FANK1: variants seen among roughly 807,000 people sequenced by gnomAD.
FANK1 encodes fibronectin type 3 and ankyrin repeat domains protein 1.
Under a neutral mutation model 45.3 loss-of-function variants are expected in FANK1, and 44 were observed. The ratio of observed to expected loss-of-function variants is 0.97; its 90% CI spans 0.76 to 1.25. The LOEUF (loss-of-function observed/expected upper bound fraction) is 1.25, where lower values mean the gene tolerates loss of function less well. FANK1 is among the 50% of genes most tolerant of loss of function. FANK1 has a pLI of 0.00. For synonymous variants in FANK1, 149 were observed against 152.5 expected, an observed-to-expected ratio of 0.98 and a Z score of 0.17; for missense variants, 391 against 424.4, an observed-to-expected ratio of 0.92 and a Z score of 0.69.
rs181780461 is a variant in FANK1 at position 125,935,129 on chromosome 10, G to A, written c.13+38474G>A. Among the ~76,000 whole-genome samples the A allele has an allele frequency of 4.8e-3, 734 of 152,204 alleles. 1 individual carries two copies. Among genetic ancestry groups the A allele is most frequent in the African/African-American group, 0.017 (718 of 41,504 alleles). ...ACTCTGATAGAGACACCCTGTCTTG[G>A]GACATCCCCCCATTCATTCCTTCAC... On this transcript the variant is annotated intron_variant, in intron 1 of 10. Coordinates refer to ENST00000368693, the MANE Select transcript of FANK1 (RefSeq NM_145235.5).
intron 1 of FANK1, among the ~76,000 whole-genome samples, chr10:125,979,238 G>A (rs762474028): frequency 6.6e-6 from 1 of 152,098 alleles, no homozygotes. Flanking sequence ...GTCCCAGTGC[G>A]AGTATCTGGC....
intron 2 of FANK1, among the ~76,000 whole-genome samples, chr10:125,986,096 C>A (rs900129373): frequency 6.6e-6 from 1 of 152,020 alleles, no homozygotes; most frequent in Non-Finnish European, 1.5e-5. Flanking sequence ...CATGTTCCTG[C>A]GGGGATGGTG....
intron 1 of FANK1, among the ~76,000 whole-genome samples, chr10:125,949,231 C>T (rs1564903264): frequency 6.6e-6 from 1 of 150,996 alleles, no homozygotes; most frequent in South Asian, 2.1e-4. Flanking sequence ...CCCTCTCTCA[C>T]CACTCCTATT....
chr10:125,899,659 C>T lies in FANK1; in HGVS notation c.13+3004C>T, dbSNP rs139292967. On this transcript the variant is annotated intron_variant, in intron 1 of 10. Transcript: ENST00000368693. ...GTATCCAACCAGATTTCACCTGAGA[C>T]GGAAGTTATTTCCTACTGTCAGCCA... Among the ~76,000 whole-genome samples, 229 of 152,286 alleles carry T rather than the reference C, an allele frequency of 1.5e-3. 5 individuals carry two copies. The East Asian group carries it at 0.035, about 23-fold the overall frequency.
intron 1 of FANK1, among the ~76,000 whole-genome samples, chr10:125,977,541 G>A (rs1026164469): frequency 6.6e-6 from 1 of 152,114 alleles, no homozygotes; most frequent in Non-Finnish European, 1.5e-5. Flanking sequence ...GCTCTCCTTG[G>A]CACTCCTGGG....
At chr10:125,942,559 G>A (rs921693076) in intron 1 of FANK1, among the ~76,000 whole-genome samples, 7 of 152,016 alleles carry the variant, frequency 4.6e-5, no homozygotes, top group East Asian at 1.9e-4. Context: ...TTAAGAAAAC[G>A]AAATTAGGTA....
At chr10:125,911,257 C>T (rs1446494374) in intron 1 of FANK1, among the ~76,000 whole-genome samples, 12 of 152,032 alleles carry the variant, frequency 7.9e-5, no homozygotes, top group East Asian at 1.9e-4. Context: ...CAGTGATACA[C>T]GATCATAGAG....
chr10:125,990,462 A>G (rs1196362163), intron 3 of FANK1, among the ~76,000 whole-genome samples: 1 of 152,258 alleles, frequency 6.6e-6, no homozygotes, highest in African/African-American at 2.4e-5. Flanking sequence ...AATTAAGAGT[A>G]TGAAAAGAAA....
At chr10:125,933,083 G>A (rs1325553358) in intron 1 of FANK1, among the ~76,000 whole-genome samples, 2 of 152,150 alleles carry the variant, frequency 1.3e-5, no homozygotes, top group Non-Finnish European at 2.9e-5. Context: ...TTTTTGATAT[G>A]TTGTTGGATT....
At chr10:125,925,250 G>A (rs536150592) in intron 1 of FANK1, among the ~76,000 whole-genome samples, 1,051 of 152,332 alleles carry the variant, frequency 6.9e-3, no homozygotes, top group African/African-American at 0.024. Flanking sequence ...TTTTGAGGCT[G>A]TACTTGGGTG....
chr10:125,941,304 T>C (rs1260290603), intron 1 of FANK1, among the ~76,000 whole-genome samples: 1 of 152,104 alleles, frequency 6.6e-6, no homozygotes, highest in Non-Finnish European at 1.5e-5. Context: ...AAGAAGCAAT[T>C]TGGCAAATAA....
chr10:125,898,020 A>AAAAGC (rs1564843670), intron 1 of FANK1, among the ~76,000 whole-genome samples: 1 of 79,716 alleles, frequency 1.3e-5, no homozygotes, highest in Non-Finnish European at 3.0e-5. Flanking sequence ...AAAAAAAAAA[A>AAAAGC]AAAAAAAAAA....
chr10:125,902,870 C>T (rs1452839141), intron 1 of FANK1, among the ~76,000 whole-genome samples: 1 of 152,310 alleles, frequency 6.6e-6, no homozygotes, highest in Non-Finnish European at 1.5e-5. Context: ...CTCATGTAGT[C>T]TTAGCCCCGA....
At chr10:125,945,523 G>T (rs998371970) in intron 1 of FANK1, among the ~76,000 whole-genome samples, 17 of 152,206 alleles carry the variant, frequency 1.1e-4, no homozygotes, top group African/African-American at 3.1e-4. Flanking sequence ...ACTCCCACCC[G>T]AATATTGTGC....
Position 125,980,235 on chromosome 10 carries a change from G to T in FANK1, c.88G>T (p.Asp30Tyr), listed in dbSNP as rs753006890. The change falls in exon 2 of 11, where the codon GAT (aspartate) becomes TAT (tyrosine). Residue 30 changes from aspartate to tyrosine, a missense_variant. By Grantham distance (160) the Asp-to-Tyr change is radical. Coordinates refer to ENST00000368693, the MANE Select transcript of FANK1 (RefSeq NM_145235.5). ...VTHHSIELYW[D>Y]LEKKAKRQGP... ...TCATCACAGCATTGAATTATACTGG[G>T]ATCTGGAAAAGAAAGCCAAACGCCA... The T allele has an allele frequency of 6.2e-7, 1 of 1,614,096 alleles. No individual in the cohort carries two copies. The highest frequency in any genetic ancestry group is 8.5e-7 in the Non-Finnish European group (1 of 1,180,016).
At chr10:126,005,079 A>G (rs1335274259) in intron 7 of FANK1, 30 bp downstream of exon 7, 4 of 1,586,426 alleles carry the variant, frequency 2.5e-6, no homozygotes, top group Admixed American at 1.7e-5. Context: ...AACCACGCAC[A>G]TATCGTTAAG....
intron 1 of FANK1, among the ~76,000 whole-genome samples, chr10:125,901,416 A>G (rs1245681439): frequency 2.0e-5 from 3 of 152,180 alleles, no homozygotes; most frequent in Admixed American, 6.5e-5. Context: ...GTCTTCTTCC[A>G]CTGCTACCTG....
At chr10:126,004,779 C>T (rs142212888) in intron 6 of FANK1, 105 bp from the exon 7 acceptor site, 1 of 1,141,322 alleles carries the variant, frequency 8.8e-7, no homozygotes, top group Non-Finnish European at 1.3e-6. Flanking sequence ...CATGGCTTTT[C>T]CACTCAAGTT....
In FANK1 at chr10:125,996,640, T is replaced by A. The variant is rs555445133; in HGVS notation, c.473+16T>A. 4.3e-6 allele frequency: 7 copies of A among 1,611,366 alleles called. No homozygotes were observed. Among genetic ancestry groups the A allele is most frequent in the Non-Finnish European group, 5.9e-6 (7 of 1,178,230 alleles). ...GATACACCAGGTATGGCTCTTCTTTTTTTTAAATCTCTCTTGGGGATTTAA... is the reference window on the plus strand; with the variant it reads ...GATACACCAGGTATGGCTCTTCTTTATTTTAAATCTCTCTTGGGGATTTAA... On this transcript the variant is annotated intron_variant, in intron 5 of 10. Transcript: ENST00000368693.
Sources: gnomAD v4.1 joint callset for allele counts (sites outside exome capture counted in the v4.1 genomes callset) on GRCh38, gnomAD v4.1.1 for gene constraint, MANE v1.5 for transcripts, NCBI Gene and HGNC (gene_info 2026-07-23, HGNC 2026-07-21) for gene names.